The following PNOC variants were observed in gnomAD, a reference collection of about 807,000 sequenced individuals.
PNOC encodes nociceptin.
Under a neutral mutation model 15.6 loss-of-function variants are expected in PNOC, and 10 were observed. The observed-to-expected ratio is 0.64, with a 90% confidence interval of 0.40 to 1.09. The LOEUF (loss-of-function observed/expected upper bound fraction) is 1.09, where lower values mean the gene tolerates loss of function less well. Ranked by LOEUF, PNOC falls within the 50% of genes least tolerant of loss-of-function variation. PNOC has a pLI of 0.01. For synonymous variants in PNOC, 98 were observed against 88.5 expected (o/e 1.11, Z -0.60); for missense variants, 220 against 223.9 (o/e 0.98, Z 0.11).
At chr8:28,330,396 A>ATTTTATTTTATTTTTTT (rs377288105) in intron 2 of PNOC, among the ~76,000 whole-genome samples, 5 of 80,418 alleles carry the variant, frequency 6.2e-5, no homozygotes, top group African/African-American at 1.6e-4. Context: ...ATTTTATTTT[A>ATTTTATTTTATTTTTTT]TTTTTTTTTT....
rs1164493029 is a variant in PNOC, at chr8:28,342,968, T to C, written c.*74T>C. 1.0e-6 allele frequency: 1 copy of C among 985,422 alleles called. No homozygotes were observed. The highest frequency in any genetic ancestry group is 1.2e-6 in the Non-Finnish European group (1 of 829,900). The allele number at this position is 985,422 out of a possible 1,614,324, so 61.0% of individuals were successfully genotyped here. A position where few individuals can be genotyped will look rare whatever the true frequency, so the allele number is the denominator to read the frequency against. ...CGTCCAGGTGATCCCCCAAACAGCA[T>C]GTGCTCAGCCCCAGACCTGCCGCCT... On this transcript the variant is annotated 3_prime_UTR_variant, in exon 4 of 4. Coordinates refer to ENST00000301908, the MANE Select transcript of PNOC (RefSeq NM_006228.5).
intron 1 of PNOC, among the ~76,000 whole-genome samples, chr8:28,324,879 T>A (rs1404123589): frequency 6.6e-6 from 1 of 151,382 alleles, no homozygotes; most frequent in African/African-American, 2.4e-5. Context: ...CAAAAAAGAG[T>A]GTTAGAGTGA....
Position 28,339,131 on chromosome 8 carries a change from G to T in PNOC, c.218G>T (p.Ser73Ile), listed in dbSNP as rs773372542. 1 of 1,612,880 alleles carries T rather than the reference G, an allele frequency of 6.2e-7. No individual in the cohort carries two copies. Among genetic ancestry groups the T allele is most frequent in the Non-Finnish European group, 8.5e-7 (1 of 1,178,918 alleles). The part of the protein sequence containing the change: ...KVMARSSWQL[S>I]PAAPEHVAAA... Reference sequence around the variant, plus strand: ...ATGGCCAGGAGCTCTTGGCAGCTCAGCCCTGCCGCCCCAGAGCATGTGGCG... The same window carrying T: ...ATGGCCAGGAGCTCTTGGCAGCTCATCCCTGCCGCCCCAGAGCATGTGGCG... Residue 73 changes from serine to isoleucine, a missense_variant, in exon 3 of 4, where the codon AGC becomes ATC. Transcript: ENST00000301908.
At chr8:28,338,929 T>C in intron 2 of PNOC, 111 bp from the exon 3 acceptor site, 1 of 1,133,500 alleles carries the variant, frequency 8.8e-7, no homozygotes, top group Non-Finnish European at 1.2e-6. Context: ...CTTGATAACT[T>C]AGATGCTTCA....
intron 2 of PNOC, among the ~76,000 whole-genome samples, chr8:28,330,396 A>ATTTTATTTTTTTTTTT (rs377288105): frequency 4.1e-4 from 33 of 80,436 alleles, no homozygotes; most frequent in Non-Finnish European, 6.9e-4. Context: ...ATTTTATTTT[A>ATTTTATTTTTTTTTTT]TTTTTTTTTT....
rs1801472554 is a variant in PNOC, at chr8:28,339,327, G to A, written c.414G>A (p.Lys138=). Reference sequence around the variant, plus strand: ...TTGGGGGCTTCACCGGGGCCCGGAAGTCGGCCAGGAAGTTGGCCAATCAGA... The same window carrying A: ...TTGGGGGCTTCACCGGGGCCCGGAAATCGGCCAGGAAGTTGGCCAATCAGA... ...KRFGGFTGAR[K]SARKLANQKR... The change falls in exon 3 of 4, where the codon AAG becomes AAA. Residue 138 remains lysine, a synonymous_variant. Transcript: ENST00000301908. 6.2e-7 allele frequency: 1 copy of A among 1,612,050 alleles called. No homozygotes were observed. Among genetic ancestry groups the A allele is most frequent in the Non-Finnish European group, 8.5e-7 (1 of 1,178,466 alleles).
chr8:28,342,870 C>T, intron 3 of PNOC, 72 bp from the exon 4 acceptor site: 1 of 554,528 alleles, frequency 1.8e-6, no homozygotes, highest in South Asian at 7.9e-5. Context: ...CTGCTTCCGT[C>T]TCTAGGGGGA....
At chr8:28,321,633 T>C (rs1801153811) in intron 1 of PNOC, among the ~76,000 whole-genome samples, 1 of 152,198 alleles carries the variant, frequency 6.6e-6, no homozygotes, top group Non-Finnish European at 1.5e-5. Flanking sequence ...CTCATCTAAC[T>C]GCCTCTTCTT....
Position 28,325,006 on chromosome 8 carries a change from T to C in PNOC, c.-23-4129T>C, listed in dbSNP as rs1008650525. Among the ~76,000 whole-genome samples, 3 of 152,240 alleles carry C rather than the reference T, an allele frequency of 2.0e-5. No homozygotes were observed. In the East Asian group the frequency reaches 5.8e-4, roughly 29 times the overall value. On this transcript the variant is annotated intron_variant, in intron 1 of 3. Coordinates refer to ENST00000301908, the MANE Select transcript of PNOC (RefSeq NM_006228.5). ...ACTAATCATCCTCTGAGATAGGTACTAATTTCATCCCATTTTTGCAGATGA... is the reference window on the plus strand; with the variant it reads ...ACTAATCATCCTCTGAGATAGGTACCAATTTCATCCCATTTTTGCAGATGA...
At chr8:28,333,433 A>G (rs1801361263) in intron 2 of PNOC, among the ~76,000 whole-genome samples, 1 of 152,182 alleles carries the variant, frequency 6.6e-6, no homozygotes, top group African/African-American at 2.4e-5. Context: ...TTAATAAGCC[A>G]TTAACCCATC....
chr8:28,321,411 T>C (rs922756451), intron 1 of PNOC, among the ~76,000 whole-genome samples: 1 of 152,044 alleles, frequency 6.6e-6, no homozygotes, highest in Non-Finnish European at 1.5e-5. Flanking sequence ...ACCAGGAAGA[T>C]GGGAGTTGAG....
At chr8:28,321,746 G>A (rs1801155624) in intron 1 of PNOC, among the ~76,000 whole-genome samples, 1 of 152,158 alleles carries the variant, frequency 6.6e-6, no homozygotes, top group African/African-American at 2.4e-5. Context: ...TCTGAGCACA[G>A]CTCTCACGCG....
At chr8:28,331,957 G>A (rs2129880654) in intron 2 of PNOC, among the ~76,000 whole-genome samples, 1 of 152,276 alleles carries the variant, frequency 6.6e-6, no homozygotes, top group African/African-American at 2.4e-5. Context: ...CTCCTAATAG[G>A]CACATCTGCT....
intron 2 of PNOC, among the ~76,000 whole-genome samples, chr8:28,333,340 T>C (rs1285145949): frequency 6.6e-6 from 1 of 152,176 alleles, no homozygotes; most frequent in Non-Finnish European, 1.5e-5. Flanking sequence ...TTGGCAGCCA[T>C]CTGAGACTCC....
rs1167063063 is a variant in PNOC at position 28,339,330 on chromosome 8, G to C, written c.417G>C (p.Ser139=). The change falls in exon 3 of 4, where the codon TCG becomes TCC. Residue 139 remains serine, a synonymous_variant. Coordinates refer to ENST00000301908, the MANE Select transcript of PNOC (RefSeq NM_006228.5). ...GGGGCTTCACCGGGGCCCGGAAGTC[G>C]GCCAGGAAGTTGGCCAATCAGAAGC... ...RFGGFTGARK[S]ARKLANQKRF... 5.6e-6 allele frequency: 9 copies of C among 1,611,680 alleles called. 1 individual carries two copies. In the Middle Eastern group the frequency reaches 5.0e-4, roughly 89 times the overall value.
At chr8:28,342,066 C>T (rs1230450858) in intron 3 of PNOC, among the ~76,000 whole-genome samples, 1 of 152,142 alleles carries the variant, frequency 6.6e-6, no homozygotes, top group Non-Finnish European at 1.5e-5. Flanking sequence ...TATTCAGGGC[C>T]GGGCGCGGTA....
At chr8:28,340,387 G>C (rs528519424) in intron 3 of PNOC, among the ~76,000 whole-genome samples, 1 of 152,230 alleles carries the variant, frequency 6.6e-6, no homozygotes, top group African/African-American at 2.4e-5. Flanking sequence ...TACCCTAACT[G>C]ATTGCCTGTT....
chr8:28,326,110 G>A (rs1392262712), intron 1 of PNOC, among the ~76,000 whole-genome samples: 1 of 152,150 alleles, frequency 6.6e-6, no homozygotes, highest in Non-Finnish European at 1.5e-5. Flanking sequence ...CCAACACTTT[G>A]GGAGGCTAAG....
intron 1 of PNOC, among the ~76,000 whole-genome samples, chr8:28,319,092 G>A (rs1312841143): frequency 6.6e-6 from 1 of 151,900 alleles, no homozygotes; most frequent in Non-Finnish European, 1.5e-5. Flanking sequence ...CGATTTAGGC[G>A]CTTTCACACC....
Sources: allele counts gnomAD v4.1 joint callset (sites outside exome capture counted in the v4.1 genomes callset), GRCh38; gene constraint gnomAD v4.1.1; transcripts MANE v1.5; gene names NCBI Gene and HGNC (gene_info 2026-07-23, HGNC 2026-07-21).